The following FGD4 variants were observed in gnomAD, a reference collection of about 807,000 sequenced individuals.
The protein encoded by FGD4 is FYVE, RhoGEF and PH domain-containing protein 4.
Under a neutral mutation model 102.0 loss-of-function variants are expected in FGD4, and 42 were observed. The ratio of observed to expected loss-of-function variants is 0.41; its 90% CI spans 0.32 to 0.53. FGD4 has a LOEUF of 0.53. Among genes scored for constraint, FGD4 ranks in the 20% least tolerant of loss-of-function variants. The pLI, the probability that FGD4 is intolerant of heterozygous loss-of-function variation, is 0.21. For synonymous variants in FGD4, 380 were observed against 375.7 expected, an observed-to-expected ratio of 1.01 and a Z score of -0.13; for missense variants, 902 against 1,078.2, an observed-to-expected ratio of 0.84 and a Z score of 2.29.
At chr12:32,491,770 G>A (rs1039348170) in intron 1 of FGD4, among the ~76,000 whole-genome samples, 1 of 152,126 alleles carries the variant, frequency 6.6e-6, no homozygotes, top group Non-Finnish European at 1.5e-5. Flanking sequence ...TGTTTTATAA[G>A]TTAAACCAAA....
At chr12:32,493,632 T>G (rs1441160865) in intron 1 of FGD4, among the ~76,000 whole-genome samples, 1 of 152,172 alleles carries the variant, frequency 6.6e-6, no homozygotes, top group Non-Finnish European at 1.5e-5. Context: ...TGCCTAGCCG[T>G]TTTTTATTTG....
At chr12:32,634,593 C>CT (rs1950684628) in intron 15 of FGD4, among the ~76,000 whole-genome samples, 1 of 152,012 alleles carries the variant, frequency 6.6e-6, no homozygotes, top group African/African-American at 2.4e-5. Flanking sequence ...ATAATAAGGC[C>CT]TTTGTGGCAG....
intron 1 of FGD4, among the ~76,000 whole-genome samples, chr12:32,437,108 CAA>C (rs5797478): frequency 3.8e-3 from 411 of 108,052 alleles, no homozygotes; most frequent in African/African-American, 9.5e-3. Flanking sequence ...GACTCCATGT[CAA>C]AAAAAAAAAA....
At chr12:32,515,246 G>T (rs58180326) in intron 1 of FGD4, among the ~76,000 whole-genome samples, 2,218 of 152,294 alleles carry the variant, frequency 0.015, 68 homozygotes, top group African/African-American at 0.051. Context: ...TCTGGAAAGG[G>T]CCCCACTCCA....
intron 1 of FGD4, among the ~76,000 whole-genome samples, chr12:32,453,596 G>A (rs1193535248): frequency 6.6e-6 from 1 of 152,078 alleles, no homozygotes; most frequent in Non-Finnish European, 1.5e-5. Flanking sequence ...TAAATTTTGT[G>A]TGCTCATCCT....
rs577010428 is a variant in FGD4, at chr12:32,547,062, C to G, written c.167-17075C>G. Among the ~76,000 whole-genome samples the G allele has an allele frequency of 2.0e-5, 3 of 152,212 alleles. No homozygotes were observed. The East Asian group carries it at 5.8e-4, about 29-fold the overall frequency. On this transcript the variant is annotated intron_variant, in intron 1 of 16. Coordinates refer to ENST00000534526, the MANE Select transcript of FGD4 (RefSeq NM_001370298.3). ...GCAAATAGCTGCAGTGACTTGTGTA[C>G]CTGCTCAGTGAAAGCCAAAGAATCA... is the stretch of plus-strand genomic sequence containing the variant.
At chr12:32,472,476 T>C (rs1038957034) in intron 1 of FGD4, among the ~76,000 whole-genome samples, 6 of 152,124 alleles carry the variant, frequency 3.9e-5, no homozygotes, top group Non-Finnish European at 5.9e-5. Flanking sequence ...CCAGCAGTGC[T>C]GGCCCACCGG....
chr12:32,526,814 T>C (rs10844231), intron 1 of FGD4, among the ~76,000 whole-genome samples: 37,470 of 151,984 alleles, frequency 0.25, 5,317 homozygotes, highest in Middle Eastern at 0.44. Context: ...CAACTCCAGA[T>C]GCCCCGCCTT....
chr12:32,419,750 A>G (rs949753776), intron 1 of FGD4, among the ~76,000 whole-genome samples: 8 of 152,150 alleles, frequency 5.3e-5, no homozygotes, highest in Non-Finnish European at 7.3e-5. Context: ...TCTGACTGCT[A>G]TGGTGGGTGA....
chr12:32,564,013 AGGGGAG>A lies in FGD4; in HGVS notation c.167-123_167-118del, dbSNP rs1444866789. 1.3e-4 allele frequency: 100 copies of A among 751,432 alleles called. No individual in the cohort carries two copies. In the African/African-American group the frequency reaches 3.4e-3, roughly 26 times the overall value. The allele number at this position is 751,432 out of a possible 1,614,324, so 46.5% of individuals were successfully genotyped here. A position where few individuals can be genotyped will look rare whatever the true frequency, so the allele number is the denominator to read the frequency against. On this transcript the variant is annotated intron_variant, in intron 1 of 16. Transcript: ENST00000534526. Reference sequence around the variant, plus strand: ...GTGGAAAGAGAGGGAGACCGTGGAAAGGGGAGAGGGAGAGGGAGGGGGAGGGGGAGG... The same window carrying A: ...GTGGAAAGAGAGGGAGACCGTGGAAAAGGGAGAGGGAGGGGGAGGGGGAGG...
chr12:32,453,220 A>ATATATATATATATTTT (rs1391496111), intron 1 of FGD4, among the ~76,000 whole-genome samples: 3 of 52,782 alleles, frequency 5.7e-5, no homozygotes, highest in Non-Finnish European at 1.1e-4. Flanking sequence ...ATATATATAT[A>ATATATATATATATTTT]ATATAGATAT....
chr12:32,430,585 C>T (rs991993629), intron 1 of FGD4, among the ~76,000 whole-genome samples: 2 of 151,782 alleles, frequency 1.3e-5, no homozygotes, highest in Non-Finnish European at 2.9e-5. Context: ...CTCTTTTACT[C>T]TATTTAAAAA....
intron 1 of FGD4, among the ~76,000 whole-genome samples, chr12:32,503,749 G>T (rs906909276): frequency 6.6e-5 from 10 of 152,134 alleles, no homozygotes; most frequent in Admixed American, 1.3e-4. Flanking sequence ...CAATGTAATA[G>T]TATTGGGATA....
At chr12:32,411,663 G>T (rs1321793199) in intron 1 of FGD4, among the ~76,000 whole-genome samples, 1 of 152,020 alleles carries the variant, frequency 6.6e-6, no homozygotes, top group South Asian at 2.1e-4. Flanking sequence ...AGTACAATGC[G>T]GTATAAAAAT....
chr12:32,615,902 G>A (rs10844258), intron 10 of FGD4, among the ~76,000 whole-genome samples: 72,882 of 151,734 alleles, frequency 0.48, 18,186 homozygotes, highest in Middle Eastern at 0.64. Context: ...TTAATACAGG[G>A]GGTGACTGCG....
intron 1 of FGD4, among the ~76,000 whole-genome samples, chr12:32,408,172 T>C (rs1398280227): frequency 2.0e-5 from 3 of 149,270 alleles, no homozygotes; most frequent in Non-Finnish European, 4.5e-5. Flanking sequence ...CCAATTTTTT[T>C]TTTTTTTTTT....
chr12:32,576,156 C>G, intron 2 of FGD4, 110 bp from the exon 3 acceptor site: 1 of 1,156,740 alleles, frequency 8.6e-7, no homozygotes, highest in Non-Finnish European at 1.2e-6. Context: ...CACCTGCCCC[C>G]TTTACAATAA....
At chr12:32,479,440 C>T (rs1440606380) in intron 1 of FGD4, among the ~76,000 whole-genome samples, 1 of 151,998 alleles carries the variant, frequency 6.6e-6, no homozygotes, top group Non-Finnish European at 1.5e-5. Flanking sequence ...AGCAGTCATC[C>T]TACCTCAGCC....
chr12:32,461,858 C>G (rs1442344822), intron 1 of FGD4, among the ~76,000 whole-genome samples: 1 of 152,144 alleles, frequency 6.6e-6, no homozygotes, highest in East Asian at 1.9e-4. Context: ...TCCCGAGTAG[C>G]TGGGATTACG....
Sources: gnomAD v4.1 joint callset for allele counts (sites outside exome capture counted in the v4.1 genomes callset) on GRCh38, gnomAD v4.1.1 for gene constraint, MANE v1.5 for transcripts, NCBI Gene and HGNC (gene_info 2026-07-23, HGNC 2026-07-21) for gene names.